Variants in PCDHA1 observed in about 807,000 individuals in gnomAD.
PCDHA1 encodes the protein protocadherin alpha-1.
A neutral mutation model predicts 61.3 loss-of-function variants in PCDHA1; 42 were observed. That is an observed-to-expected ratio of 0.69 (90% CI 0.54 to 0.89). PCDHA1 has a LOEUF of 0.89. Ranked by LOEUF, PCDHA1 falls within the 40% of genes least tolerant of loss-of-function variation. The pLI, the probability that PCDHA1 is intolerant of heterozygous loss-of-function variation, is 0.00. For missense variants in PCDHA1, 1,256 were observed against 1,235.3 expected, an observed-to-expected ratio of 1.02 and a Z score of -0.25; for synonymous variants, 610 against 553.8, an observed-to-expected ratio of 1.10 and a Z score of -1.43.
At chr5:140,936,244 T>C (rs879962489) in intron 1 of PCDHA1, among the ~76,000 whole-genome samples, 13 of 152,192 alleles carry the variant, frequency 8.5e-5, no homozygotes, top group Non-Finnish European at 1.6e-4. Context: ...AGAAAACATA[T>C]CCTGCTTCAA....
Position 140,822,756 on chromosome 5 carries a change from C to T in PCDHA1, c.2394+34072C>T, listed in dbSNP as rs1030859419. The T allele has an allele frequency of 8.1e-6, 13 of 1,613,646 alleles. No homozygotes were observed. The Admixed American group carries it at 8.3e-5, about 10-fold the overall frequency. ...TTGATGCCATGGATAAAAGTACATTCCCATTATCAGGACACTGTAAAGTAG... is the reference window on the plus strand; with the variant it reads ...TTGATGCCATGGATAAAAGTACATTTCCATTATCAGGACACTGTAAAGTAG... On this transcript the variant is annotated intron_variant, in intron 1 of 3. Transcript: ENST00000504120.
In PCDHA1 at chr5:140,946,631, T is replaced by TATATATATATATACAC. The variant is rs57893927; in HGVS notation, c.2395-32317_2395-32316insTATATATATATACACA. ...TGTGAAATATATATATATATATATA[T>TATATATATATATACAC]ACAATGGAATACTCATCAGCCATTA... On this transcript the variant is annotated intron_variant, in intron 1 of 3. Coordinates refer to ENST00000504120, the MANE Select transcript of PCDHA1 (RefSeq NM_018900.4). Among the ~76,000 whole-genome samples the TATATATATATATACAC allele has an allele frequency of 4.3e-4, 57 of 131,850 alleles. 1 individual carries two copies. Among genetic ancestry groups the TATATATATATATACAC allele is most frequent in the East Asian group, 1.6e-3 (8 of 4,866 alleles). The allele number at this position is 131,850 out of a possible 152,430, so 86.5% of individuals were successfully genotyped here.
At position 140,786,373 on chromosome 5, in the gene PCDHA1, G is replaced by A. The variant is rs201628014; in HGVS notation, c.83G>A (p.Ser28Asn). The A allele has an allele frequency of 2.6e-4, 422 of 1,613,698 alleles. No individual in the cohort carries two copies. Among genetic ancestry groups the A allele is most frequent in the Non-Finnish European group, 3.2e-4 (381 of 1,180,044 alleles). The part of the protein sequence containing the change: ...LLLLAAWEVG[S>N]GQLHYSIPEE... The stretch of plus-strand genomic sequence containing the variant: ...CTCCTCGCAGCCTGGGAGGTGGGGA[G>A]CGGCCAGCTCCACTACTCGATCCCG... The change falls in exon 1 of 4, where the codon AGC becomes AAC. Residue 28 changes from serine to asparagine, a missense_variant. Physicochemically the swap from Ser to Asn is conservative, Grantham distance 46. Transcript: ENST00000504120.
chr5:140,853,541 G>A, intron 1 of PCDHA1: 2 of 979,320 alleles, frequency 2.0e-6, no homozygotes, highest in Non-Finnish European at 2.5e-6. Context: ...TTTTCAAGTT[G>A]TAATTACTAT....
chr5:140,808,679 C>T (rs782098483), intron 1 of PCDHA1: 1 of 1,612,616 alleles, frequency 6.2e-7, no homozygotes, highest in Non-Finnish European at 8.5e-7. Context: ...GGTAGAGCGG[C>T]GGGTAGGGGA....
chr5:140,995,794 CAT>C (rs1407600046), intron 3 of PCDHA1, among the ~76,000 whole-genome samples: 65 of 152,208 alleles, frequency 4.3e-4, no homozygotes, highest in African/African-American at 1.5e-3. Flanking sequence ...AAATTTGTCT[CAT>C]GTTAGTTTCT....
At chr5:140,802,692 G>A (rs1268823463) in intron 1 of PCDHA1, 2 of 1,612,888 alleles carry the variant, frequency 1.2e-6, no homozygotes, top group Middle Eastern at 3.7e-4. Flanking sequence ...GGAACGGCGG[G>A]TGGGGGAGCG....
intron 1 of PCDHA1, chr5:140,882,667 C>T (rs576133039): frequency 1.2e-6 from 2 of 1,614,160 alleles, no homozygotes; most frequent in Non-Finnish European, 1.7e-6. Flanking sequence ...CGCCCATATT[C>T]CCTGAAAGCA....
At chr5:140,789,624 T>C (rs1338168320) in intron 1 of PCDHA1, among the ~76,000 whole-genome samples, 1 of 152,196 alleles carries the variant, frequency 6.6e-6, no homozygotes, top group East Asian at 1.9e-4. Context: ...AGGCTTAGCA[T>C]TGCATGTATT....
intron 1 of PCDHA1, chr5:140,853,622 T>C: frequency 2.0e-6 from 2 of 988,456 alleles, no homozygotes; most frequent in Non-Finnish European, 2.4e-6. Context: ...TAAATAAGTA[T>C]ACAAGATCAC....
chr5:140,819,606 T>C (rs1240041247), intron 1 of PCDHA1, among the ~76,000 whole-genome samples: 1 of 152,112 alleles, frequency 6.6e-6, no homozygotes, highest in Non-Finnish European at 1.5e-5. Flanking sequence ...CTGTGGAGTC[T>C]CCCATGAAAT....
rs1761292095 is a variant in PCDHA1 at position 140,786,238 on chromosome 5, T to A, written c.-53T>A. On this transcript the variant is annotated 5_prime_UTR_variant, in exon 1 of 4. It removes an upstream start codon present in the reference 5' UTR. Coordinates refer to ENST00000504120, the MANE Select transcript of PCDHA1 (RefSeq NM_018900.4). ...AAATGATTGGAAATATTAGATAAAA[T>A]GGCATGATTTTGAAGTAAGAGGAGA... 6.6e-7 allele frequency: 1 copy of A among 1,516,534 alleles called. No individual in the cohort carries two copies. The highest frequency in any genetic ancestry group is 8.8e-7 in the Non-Finnish European group (1 of 1,132,138). The allele number at this position is 1,516,534 out of a possible 1,614,324, so 93.9% of individuals were successfully genotyped here.
intron 1 of PCDHA1, chr5:140,850,018 T>A: frequency 1.3e-6 from 2 of 1,596,890 alleles, no homozygotes; most frequent in Non-Finnish European, 1.7e-6. Context: ...TCGAGCTACG[T>A]GTCAGTGCAC....
intron 1 of PCDHA1, chr5:140,969,414 G>C: frequency 6.4e-7 from 1 of 1,566,012 alleles, no homozygotes; most frequent in Non-Finnish European, 8.7e-7. Context: ...GCTTTATTGA[G>C]TCATTAACAG....
At position 140,840,546 on chromosome 5, in the gene PCDHA1, T is replaced by C. The variant is rs2150307753; in HGVS notation, c.2394+51862T>C. ...AGATGAAGAACTAACAAGCCAATGATGGCAATACTGCTAGAGTTTGGCATG... is the reference window on the plus strand; with the variant it reads ...AGATGAAGAACTAACAAGCCAATGACGGCAATACTGCTAGAGTTTGGCATG... On this transcript the variant is annotated intron_variant, in intron 1 of 3. Coordinates refer to ENST00000504120, the MANE Select transcript of PCDHA1 (RefSeq NM_018900.4). 2.8e-4 allele frequency among the ~76,000 whole-genome samples: 42 copies of C among 152,170 alleles called. 1 individual carries two copies. The highest frequency in any genetic ancestry group is 9.9e-4 in the African/African-American group (41 of 41,470).
intron 1 of PCDHA1, among the ~76,000 whole-genome samples, chr5:140,789,979 G>T (rs1266505178): frequency 1.3e-5 from 2 of 152,162 alleles, no homozygotes; most frequent in African/African-American, 2.4e-5. Context: ...CAAAGTAAAA[G>T]ATCAAGAGAA....
intron 1 of PCDHA1, among the ~76,000 whole-genome samples, chr5:140,897,315 T>C (rs980857290): frequency 6.8e-6 from 1 of 147,686 alleles, no homozygotes; most frequent in Non-Finnish European, 1.5e-5. Context: ...GTATATCTCC[T>C]AAAGCTATCC....
At chr5:140,802,493 G>C in intron 1 of PCDHA1, 2 of 1,614,166 alleles carry the variant, frequency 1.2e-6, no homozygotes, top group Non-Finnish European at 8.5e-7. Context: ...ACGGGGGCTC[G>C]CCTTCACTGT....
chr5:140,900,683 T>C (rs144072569), intron 1 of PCDHA1, among the ~76,000 whole-genome samples: 52 of 152,340 alleles, frequency 3.4e-4, no homozygotes, highest in African/African-American at 9.9e-4. Context: ...ATCTCTTCAA[T>C]ATACTGATTT....
Sources: allele counts gnomAD v4.1 joint callset (sites outside exome capture counted in the v4.1 genomes callset), GRCh38; gene constraint gnomAD v4.1.1; transcripts MANE v1.5; gene names NCBI Gene and HGNC (gene_info 2026-07-23, HGNC 2026-07-21).